Variants in RIN2 observed in about 807,000 individuals in gnomAD.
The protein encoded by RIN2 is Ras and Rab interactor 2.
A neutral mutation model predicts 78.0 loss-of-function variants in RIN2; 36 were observed. That is an observed-to-expected ratio of 0.46 (90% CI 0.35 to 0.61). The LOEUF (loss-of-function observed/expected upper bound fraction) is 0.61. Among genes scored for constraint, RIN2 ranks in the 20% least tolerant of loss-of-function variants. RIN2 has a pLI of 0.00. For missense variants in RIN2, 1,087 were observed against 1,159.7 expected (o/e 0.94, Z 0.91); for synonymous variants, 466 against 466.8 (o/e 1.00, Z 0.02).
intron 2 of RIN2, among the ~76,000 whole-genome samples, chr20:19,813,563 C>T (rs2035670211): frequency 6.6e-6 from 1 of 152,028 alleles, no homozygotes; most frequent in Non-Finnish European, 1.5e-5. Flanking sequence ...TAATACATGT[C>T]AGGTTATAAT....
chr20:19,859,520 C>G (rs1432427118), intron 2 of RIN2, among the ~76,000 whole-genome samples: 1 of 152,224 alleles, frequency 6.6e-6, no homozygotes, highest in African/African-American at 2.4e-5. Context: ...CAATTCTTAT[C>G]TTTCTTGCCC....
chr20:19,964,318 C>G (rs187854433), intron 6 of RIN2, among the ~76,000 whole-genome samples: 1 of 151,894 alleles, frequency 6.6e-6, no homozygotes, highest in Non-Finnish European at 1.5e-5. Context: ...CTATAATGCC[C>G]AGACTGGTCT....
intron 4 of RIN2, among the ~76,000 whole-genome samples, chr20:19,954,665 C>T (rs1227991584): frequency 6.6e-6 from 1 of 152,146 alleles, no homozygotes; most frequent in East Asian, 1.9e-4. Context: ...GGGCTTGGCA[C>T]ACAACAGCCG....
At chr20:19,905,930 C>G (rs1438597250) in intron 3 of RIN2, among the ~76,000 whole-genome samples, 1 of 152,226 alleles carries the variant, frequency 6.6e-6, no homozygotes, top group Non-Finnish European at 1.5e-5. Context: ...GACTTAGGAA[C>G]TAACTGCATC....
chr20:19,962,916 C>T (rs957354352), intron 6 of RIN2, among the ~76,000 whole-genome samples: 2 of 151,940 alleles, frequency 1.3e-5, no homozygotes. Flanking sequence ...GAGATAGTGC[C>T]GTTGCACTCT....
At chr20:19,764,786 CA>C (rs1380016731) in intron 1 of RIN2, among the ~76,000 whole-genome samples, 1 of 151,960 alleles carries the variant, frequency 6.6e-6, no homozygotes, top group Non-Finnish European at 1.5e-5. Flanking sequence ...AGAGTAGGAA[CA>C]AAAGTTTATT....
chr20:19,837,559 A>G (rs1481425305), intron 2 of RIN2, among the ~76,000 whole-genome samples: 1 of 152,196 alleles, frequency 6.6e-6, no homozygotes, highest in Non-Finnish European at 1.5e-5. Flanking sequence ...CCATTGGGAT[A>G]CTAGAGTTTT....
chr20:19,822,052 G>C (rs6112595), intron 2 of RIN2, among the ~76,000 whole-genome samples: 38 of 152,212 alleles, frequency 2.5e-4, no homozygotes, highest in African/African-American at 8.4e-4. Context: ...CCCACTTTTT[G>C]GAAGATATTT....
rs941310821 is a variant in RIN2 at position 19,924,517 on chromosome 20, C to T, written c.58-10582C>T. On this transcript the variant is annotated intron_variant, in intron 3 of 12. Transcript: ENST00000255006. ...CCTTCATACCCCCACCTTCACACTC[C>T]CACCTTCGTTCCCGACCTCTTCATA... is the stretch of plus-strand genomic sequence containing the variant. 1.5e-3 allele frequency among the ~76,000 whole-genome samples: 28 copies of T among 19,064 alleles called. 1 individual carries two copies. Among genetic ancestry groups the T allele is most frequent in the African/African-American group, 3.1e-3 (8 of 2,548 alleles). 12.5% of individuals were successfully genotyped at this position (19,064 alleles called of 152,430 possible).
intron 1 of RIN2, among the ~76,000 whole-genome samples, chr20:19,787,387 C>T (rs1289583217): frequency 7.0e-6 from 1 of 143,174 alleles, no homozygotes; most frequent in African/African-American, 2.6e-5. Flanking sequence ...CGCACCAGTG[C>T]ACTCCTGCCT....
chr20:19,765,340 C>T (rs1308116359), intron 1 of RIN2, among the ~76,000 whole-genome samples: 2 of 152,116 alleles, frequency 1.3e-5, no homozygotes, highest in African/African-American at 4.8e-5. Flanking sequence ...AGCCAGTGGG[C>T]ATTGATTGTA....
chr20:19,844,639 CTTCTTCTTCT>C (rs2036696121), intron 2 of RIN2, among the ~76,000 whole-genome samples: 1 of 134,804 alleles, frequency 7.4e-6, no homozygotes, highest in South Asian at 2.4e-4. Context: ...TCTTCTTCTT[CTTCTTCTTCT>C]TCTTCTTCTT....
At chr20:19,817,026 GACA>G (rs71198026) in intron 2 of RIN2, among the ~76,000 whole-genome samples, 18,569 of 152,136 alleles carry the variant, frequency 0.12, 1,364 homozygotes, top group African/African-American at 0.21. Context: ...AGAATGTGGA[GACA>G]AGAAGTGTGT....
At chr20:19,837,578 T>TATTTAA (rs1267262985) in intron 2 of RIN2, among the ~76,000 whole-genome samples, 3 of 152,230 alleles carry the variant, frequency 2.0e-5, no homozygotes, top group African/African-American at 7.2e-5. Flanking sequence ...TTTATTGCTG[T>TATTTAA]ATTTAAATTC....
At chr20:19,897,145 G>A (rs887640615) in intron 3 of RIN2, among the ~76,000 whole-genome samples, 18 of 151,906 alleles carry the variant, frequency 1.2e-4, no homozygotes, top group African/African-American at 3.1e-4. Context: ...TCTCTCTGTC[G>A]CCCAGACTGG....
At position 20,000,863 on chromosome 20, in the gene RIN2, T is replaced by C; in HGVS notation, c.2615T>C (p.Val872Ala). ...SRPQPHIFHF[V>A]YKRIKNDPYG... The stretch of plus-strand genomic sequence containing the variant: ...CCACAGCCCCACATCTTCCACTTTG[T>C]CTACAAACGCATCAAGAACGATCCT... The change falls in exon 13 of 13, where the codon GTC becomes GCC. Residue 872 changes from valine (V) to alanine (A), a missense_variant. By Grantham distance (64) the Val-to-Ala change is moderately conservative. Coordinates refer to ENST00000255006, the MANE Select transcript of RIN2 (RefSeq NM_018993.4). The C allele has an allele frequency of 6.2e-7, 1 of 1,613,986 alleles. No individual in the cohort carries two copies. The highest frequency in any genetic ancestry group is 8.5e-7 in the Non-Finnish European group (1 of 1,179,892).
upstream of RIN2, chr20:19,758,179 TCTCCC>T (rs149225112): frequency 0.084 from 12,698 of 150,310 alleles, 554 homozygotes; most frequent in South Asian, 0.12. Context: ...TTTCCTCTCC[TCTCCC>T]CTCCCCTCCC....
At chr20:19,862,137 C>A (rs2037363341) in intron 2 of RIN2, among the ~76,000 whole-genome samples, 1 of 152,248 alleles carries the variant, frequency 6.6e-6, no homozygotes, top group African/African-American at 2.4e-5. Flanking sequence ...TTGGTTTAGC[C>A]AGAGTCTCCT....
Position 19,975,950 on chromosome 20 carries a change from T to C in RIN2, c.1762+163T>C, listed in dbSNP as rs2042267141. ...GGAAAAATCAGTTTCTCAAAGTAGC[T>C]GCTGACTGCCAGACTCAAAAATGTC... On this transcript the variant is annotated intron_variant, in intron 9 of 12. Coordinates refer to ENST00000255006, the MANE Select transcript of RIN2 (RefSeq NM_018993.4). This position sits in a 1 kb window ranked among gnomAD's most constrained non-coding sequence, Gnocchi z 4.9. 6.6e-6 allele frequency among the ~76,000 whole-genome samples: 1 copy of C among 152,214 alleles called. No individual in the cohort carries two copies. Among genetic ancestry groups the C allele is most frequent in the Non-Finnish European group, 1.5e-5 (1 of 68,032 alleles).
Sources: gnomAD v4.1 joint callset for allele counts (sites outside exome capture counted in the v4.1 genomes callset) on GRCh38, gnomAD v4.1.1 for gene constraint, Gnocchi (gnomAD v3.1) non-coding constraint, MANE v1.5 for transcripts, NCBI Gene and HGNC (gene_info 2026-07-23, HGNC 2026-07-21) for gene names.